RIMS1: variants seen among roughly 807,000 people sequenced by gnomAD.
RIMS1 encodes regulating synaptic membrane exocytosis 1.
A neutral mutation model predicts 214.1 loss-of-function variants in RIMS1; 83 were observed. The observed-to-expected ratio is 0.39, with a 90% confidence interval of 0.32 to 0.47. The LOEUF is 0.47. Among genes scored for constraint, RIMS1 ranks in the 20% least tolerant of loss-of-function variants. The probability of loss-of-function intolerance (pLI) is 0.99; values close to 1 mark genes in which losing one functional copy is unlikely to be tolerated. For synonymous variants in RIMS1, 793 were observed against 786.8 expected (o/e 1.01, Z -0.13); for missense variants, 2,050 against 2,161.8 (o/e 0.95, Z 1.03).
At chr6:72,052,304 G>A (rs1475237574) in intron 2 of RIMS1, among the ~76,000 whole-genome samples, 6 of 152,114 alleles carry the variant, frequency 3.9e-5, no homozygotes, top group Admixed American at 3.9e-4. Context: ...CGTAAGTCAG[G>A]GAACTCCATC....
intron 2 of RIMS1, among the ~76,000 whole-genome samples, chr6:72,056,101 G>C (rs907351000): frequency 1.3e-5 from 2 of 151,806 alleles, no homozygotes; most frequent in Non-Finnish European, 2.9e-5. Context: ...AAGAGATCAT[G>C]CCCTTTGCAG....
At chr6:71,929,325 C>A (rs767588424) in intron 1 of RIMS1, among the ~76,000 whole-genome samples, 2 of 152,056 alleles carry the variant, frequency 1.3e-5, no homozygotes, top group Non-Finnish European at 2.9e-5. Flanking sequence ...AGAAGGTAAT[C>A]AGAGCATAGA....
chr6:72,189,269 G>A (rs908123687), intron 6 of RIMS1, among the ~76,000 whole-genome samples: 2 of 152,116 alleles, frequency 1.3e-5, no homozygotes, highest in Non-Finnish European at 1.5e-5. Flanking sequence ...TTGTCATTGC[G>A]ACTTCAAAAG....
chr6:72,318,324 C>G (rs545208293), intron 28 of RIMS1, among the ~76,000 whole-genome samples: 9 of 151,750 alleles, frequency 5.9e-5, no homozygotes, highest in Non-Finnish European at 1.3e-4. Flanking sequence ...TCTTTCATTT[C>G]CCCCCTCCAT....
At chr6:72,245,949 G>A (rs567747415) in intron 11 of RIMS1, 88 bp downstream of exon 11, 28 of 935,726 alleles carry the variant, frequency 3.0e-5, no homozygotes, top group Non-Finnish European at 4.4e-5. Flanking sequence ...TTGATATAAT[G>A]AATTGGGGTT....
chr6:72,216,929 CAATGAG>C, intron 6 of RIMS1: 1 of 1,282,986 alleles, frequency 7.8e-7, no homozygotes, highest in South Asian at 1.9e-5. Flanking sequence ...ATGCTGTAAT[CAATGAG>C]AATCTGTTCA....
intron 6 of RIMS1, among the ~76,000 whole-genome samples, chr6:72,204,907 T>C (rs2052639912): frequency 6.6e-6 from 1 of 152,254 alleles, no homozygotes; most frequent in Admixed American, 6.5e-5. Context: ...GGGTAACTTT[T>C]CTTGTCTTCT....
chr6:72,334,455 T>G (rs2096773628), intron 29 of RIMS1, among the ~76,000 whole-genome samples: 1 of 151,888 alleles, frequency 6.6e-6, no homozygotes, highest in Non-Finnish European at 1.5e-5. Context: ...AGGTATATAT[T>G]TAAAAAGCAA....
At chr6:71,985,829 A>G (rs1488569782) in intron 2 of RIMS1, among the ~76,000 whole-genome samples, 3 of 152,164 alleles carry the variant, frequency 2.0e-5, no homozygotes, top group South Asian at 2.1e-4. Flanking sequence ...ACATACATGT[A>G]TATGTATGGA....
chr6:71,902,380 T>A (rs1167844453), intron 1 of RIMS1, among the ~76,000 whole-genome samples: 1 of 151,764 alleles, frequency 6.6e-6, no homozygotes, highest in African/African-American at 2.4e-5. Context: ...ATAAGATGAG[T>A]CAACAGAAAG....
chr6:72,372,725 T>C (rs1213089453), intron 29 of RIMS1, among the ~76,000 whole-genome samples: 1 of 152,258 alleles, frequency 6.6e-6, no homozygotes, highest in Non-Finnish European at 1.5e-5. Flanking sequence ...TTCTCTGGAC[T>C]GTGTCTAATC....
intron 2 of RIMS1, among the ~76,000 whole-genome samples, chr6:72,022,663 G>T (rs1815085811): frequency 6.6e-6 from 1 of 152,148 alleles, no homozygotes; most frequent in Admixed American, 6.6e-5. Flanking sequence ...TTTTAGTCGT[G>T]TTCGATGAAA....
chr6:72,366,765 C>A (rs1307384293), intron 29 of RIMS1: 16 of 985,608 alleles, frequency 1.6e-5, no homozygotes, highest in Non-Finnish European at 1.9e-5. Flanking sequence ...TTCCAGCCAG[C>A]CACCGCACAA....
rs777214787 is a variant in RIMS1, at chr6:72,024,900, G to GTTTTTTT, written c.245+55854_245+55860dup. 5.6e-3 allele frequency among the ~76,000 whole-genome samples: 555 copies of GTTTTTTT among 98,650 alleles called. 23 individuals are homozygous for GTTTTTTT. The highest frequency in any genetic ancestry group is 7.7e-3 in the Non-Finnish European group (401 of 52,116). The allele number at this position is 98,650 out of a possible 152,430, so 64.7% of individuals were successfully genotyped here. On this transcript the variant is annotated intron_variant, in intron 2 of 33. Transcript: ENST00000521978. ...AACTCAGGATTCTTAAAATCTGTGG[G>GTTTTTTT]TTTTTTTTTTTTTTTTTTTTTTTGA...
intron 6 of RIMS1, among the ~76,000 whole-genome samples, chr6:72,227,718 C>T (rs1384267916): frequency 6.6e-6 from 1 of 151,958 alleles, no homozygotes; most frequent in Non-Finnish European, 1.5e-5. Flanking sequence ...TTTAATCACT[C>T]TCTGGGGTAG....
intron 28 of RIMS1, among the ~76,000 whole-genome samples, chr6:72,328,247 TGA>T (rs2096546156): frequency 6.6e-6 from 1 of 151,716 alleles, no homozygotes; most frequent in African/African-American, 2.4e-5. Flanking sequence ...AAGTGGGAGT[TGA>T]ACAATGACAA....
intron 2 of RIMS1, among the ~76,000 whole-genome samples, chr6:72,096,469 AATTTATTGTGACAAACTT>A (rs2031741469): frequency 6.6e-6 from 1 of 152,220 alleles, no homozygotes; most frequent in Admixed American, 6.5e-5. Flanking sequence ...TCATGGAATC[AATTTATTGTGACAAACTT>A]ATTTTTGAAT....
chr6:72,082,516 A>G (rs1833658311), intron 2 of RIMS1, among the ~76,000 whole-genome samples: 1 of 152,192 alleles, frequency 6.6e-6, no homozygotes, highest in Admixed American at 6.5e-5. Context: ...GAAGAGCCCA[A>G]GAAAGTTTTG....
At chr6:71,971,728 G>T (rs116644543) in intron 2 of RIMS1, among the ~76,000 whole-genome samples, 10,935 of 152,180 alleles carry the variant, frequency 0.072, 488 homozygotes, top group Middle Eastern at 0.11. Flanking sequence ...AAGAGCTTGT[G>T]CAGGGAAACT....
Sources: allele counts gnomAD v4.1 joint callset (sites outside exome capture counted in the v4.1 genomes callset), GRCh38; gene constraint gnomAD v4.1.1; transcripts MANE v1.5; gene names NCBI Gene and HGNC (gene_info 2026-07-23, HGNC 2026-07-21).